Variants in ERC2 observed in about 807,000 individuals in gnomAD.
ERC2 encodes the protein ERC protein 2.
ERC2 carries 42 observed loss-of-function variants against 114.8 expected under a neutral mutation model. The observed-to-expected ratio is 0.37, with a 90% CI of 0.29 to 0.47. ERC2 has a LOEUF of 0.47. Ranked by LOEUF, ERC2 falls within the 20% of genes least tolerant of loss-of-function variation. ERC2 has a pLI of 0.99. For missense variants in ERC2, 939 were observed against 1,150.7 expected, an observed-to-expected ratio of 0.82 and a Z score of 2.66; for synonymous variants, 454 against 425.5, an observed-to-expected ratio of 1.07 and a Z score of -0.82.
At chr3:56,377,474 T>C (rs1217021375) in intron 2 of ERC2, among the ~76,000 whole-genome samples, 2 of 152,264 alleles carry the variant, frequency 1.3e-5, no homozygotes, top group Non-Finnish European at 2.9e-5. Context: ...AAGACATTTA[T>C]AGTAGATTAT....
At chr3:55,548,833 C>G (rs1272519162) in intron 17 of ERC2, among the ~76,000 whole-genome samples, 1 of 152,116 alleles carries the variant, frequency 6.6e-6, no homozygotes, top group Non-Finnish European at 1.5e-5. Context: ...GGGAGAGTTC[C>G]TGGGTCAACT....
chr3:56,262,740 A>T, intron 3 of ERC2, among the ~76,000 whole-genome samples: 1 of 152,238 alleles, frequency 6.6e-6, no homozygotes. Flanking sequence ...ATGAAGGTCC[A>T]ATCTAAAGTT....
chr3:55,690,250 C>T (rs2062569903), intron 16 of ERC2, among the ~76,000 whole-genome samples: 1 of 152,138 alleles, frequency 6.6e-6, no homozygotes, highest in Non-Finnish European at 1.5e-5. Flanking sequence ...TCCCTTTCCT[C>T]TGCTGGTCCC....
At chr3:55,685,223 G>A (rs766016856) in intron 16 of ERC2, among the ~76,000 whole-genome samples, 5 of 152,074 alleles carry the variant, frequency 3.3e-5, no homozygotes, top group Non-Finnish European at 7.4e-5. Context: ...AGGGATCCAC[G>A]GCCCACGAAG....
At chr3:55,560,678 T>A (rs1343029966) in intron 17 of ERC2, among the ~76,000 whole-genome samples, 1 of 152,198 alleles carries the variant, frequency 6.6e-6, no homozygotes, top group Non-Finnish European at 1.5e-5. Context: ...GCTGATGGAA[T>A]TCCTGACCCA....
At chr3:55,748,649 G>A (rs1202415242) in intron 14 of ERC2, among the ~76,000 whole-genome samples, 1 of 152,096 alleles carries the variant, frequency 6.6e-6, no homozygotes, top group Non-Finnish European at 1.5e-5. Flanking sequence ...TCAAATGCTG[G>A]GCAAAGAATC....
intron 12 of ERC2, among the ~76,000 whole-genome samples, chr3:55,972,813 T>G (rs1254592300): frequency 2.0e-5 from 3 of 152,156 alleles, no homozygotes; most frequent in Non-Finnish European, 4.4e-5. Flanking sequence ...ACATTAAATT[T>G]GAACTTCAAG....
intron 3 of ERC2, among the ~76,000 whole-genome samples, chr3:56,249,130 T>TTCTTATTA (rs2150226956): frequency 6.6e-6 from 1 of 152,156 alleles, no homozygotes; most frequent in Admixed American, 6.5e-5. Context: ...GGCAGTTGGG[T>TTCTTATTA]TCTTATTATC....
chr3:55,566,407 CTATT>C (rs113386431), intron 17 of ERC2, among the ~76,000 whole-genome samples: 15,497 of 147,890 alleles, frequency 0.1, 1,060 homozygotes, highest in South Asian at 0.22. Context: ...GCTGGTAATT[CTATT>C]TATTTATTTA....
At chr3:55,757,418 CA>C (rs2067132795) in intron 14 of ERC2, among the ~76,000 whole-genome samples, 1 of 152,088 alleles carries the variant, frequency 6.6e-6, no homozygotes, top group Admixed American at 6.6e-5. Context: ...ATGATTTGAT[CA>C]GTGCTAAATC....
At chr3:55,942,700 A>C (rs2066890780) in intron 13 of ERC2, among the ~76,000 whole-genome samples, 1 of 152,170 alleles carries the variant, frequency 6.6e-6, no homozygotes, top group Non-Finnish European at 1.5e-5. Flanking sequence ...GTAATAGCAG[A>C]GAAGAAATTA....
chr3:55,556,860 A>G (rs1304120773), intron 17 of ERC2, among the ~76,000 whole-genome samples: 1 of 152,198 alleles, frequency 6.6e-6, no homozygotes, highest in Admixed American at 6.5e-5. Context: ...TTGCAAATGA[A>G]AGAGTTGAAA....
chr3:55,954,081 T>TAA lies in ERC2; in HGVS notation c.2268-3523_2268-3522dup, dbSNP rs58512381. 6.3e-3 allele frequency among the ~76,000 whole-genome samples: 319 copies of TAA among 50,318 alleles called. 4 individuals carry two copies. Among genetic ancestry groups the TAA allele is most frequent in the Non-Finnish European group, 8.1e-3 (234 of 28,976 alleles). 33.0% of individuals were successfully genotyped at this position (50,318 alleles called of 152,430 possible). ...CAAGAGACTGACTTGCTCCATTATT[T>TAA]AAAAAAAAAAAAAAAAAAAAAAAAA... On this transcript the variant is annotated intron_variant, in intron 12 of 17. Transcript: ENST00000288221.
Position 56,010,559 on chromosome 3 carries a change from G to C in ERC2, c.1810C>G (p.Arg604Gly). ...ERIIERLKEQ[R>G]ERDDRERLEE... ...AGTCTTTCCCGATCATCTCTTTCTCGCTGTTCTTTCAAGCGCTCAATTATT... is the reference window on the plus strand; with the variant it reads ...AGTCTTTCCCGATCATCTCTTTCTCCCTGTTCTTTCAAGCGCTCAATTATT... Residue 604 changes from arginine (R) to glycine (G), a missense_variant, in exon 9 of 18, where the codon CGA (arginine) becomes GGA (glycine). Arg to Gly is a moderately radical substitution (Grantham distance 125). This residue lies in a region of ERC2 where 149 missense variants were observed against 254.6 expected (regional missense o/e 0.59). Coordinates refer to ENST00000288221, the MANE Select transcript of ERC2 (RefSeq NM_015576.3). 1 of 1,613,134 alleles carries C rather than the reference G, an allele frequency of 6.2e-7. No individual in the cohort carries two copies. Among genetic ancestry groups the C allele is most frequent in the Middle Eastern group, 1.7e-4 (1 of 6,056 alleles).
intron 2 of ERC2, among the ~76,000 whole-genome samples, chr3:56,324,759 C>T (rs1020293922): frequency 1.3e-5 from 2 of 152,110 alleles, no homozygotes; most frequent in African/African-American, 4.8e-5. Context: ...ATTAAAATCA[C>T]CCCAGCCCTG....
chr3:55,652,163 T>A (rs958903716), intron 17 of ERC2, among the ~76,000 whole-genome samples: 3 of 152,122 alleles, frequency 2.0e-5, no homozygotes, highest in Non-Finnish European at 4.4e-5. Context: ...ATAGGACACA[T>A]CTGCATGGGT....
chr3:55,895,312 T>G (rs976282796), intron 13 of ERC2, among the ~76,000 whole-genome samples: 26 of 152,214 alleles, frequency 1.7e-4, no homozygotes, highest in African/African-American at 6.3e-4. Flanking sequence ...TGTATTTTAT[T>G]AAAGATCCAG....
At chr3:55,714,659 GTGTGTGTGTATATATA>G (rs1333680832) in intron 15 of ERC2, among the ~76,000 whole-genome samples, 4 of 70,840 alleles carry the variant, frequency 5.6e-5, no homozygotes, top group African/African-American at 2.2e-4. Context: ...GTGTGTGTGT[GTGTGTGTGTATATATA>G]TATATATATA....
At chr3:56,126,325 C>A (rs969820105) in intron 6 of ERC2, among the ~76,000 whole-genome samples, 2 of 152,270 alleles carry the variant, frequency 1.3e-5, no homozygotes, top group African/African-American at 4.8e-5. Flanking sequence ...GGTGATACAT[C>A]ATGTTAACAG....
Sources: allele counts gnomAD v4.1 joint callset (sites outside exome capture counted in the v4.1 genomes callset), GRCh38; gene constraint gnomAD v4.1.1; regional missense constraint gnomAD v4.1.1; transcripts MANE v1.5; gene names NCBI Gene and HGNC (gene_info 2026-07-23, HGNC 2026-07-21).